The following FAM185A variants were observed in gnomAD, a reference collection of about 807,000 sequenced individuals.
FAM185A encodes the protein protein FAM185A.
In FAM185A, 21 loss-of-function variants were observed where a neutral mutation model predicts 45.7. The observed-to-expected ratio is 0.46, with a 90% CI of 0.33 to 0.66. The LOEUF (loss-of-function observed/expected upper bound fraction) is 0.66. Among genes scored for constraint, FAM185A ranks in the 30% least tolerant of loss-of-function variants. The pLI, the probability that FAM185A is intolerant of heterozygous loss-of-function variation, is 0.03. For synonymous variants in FAM185A, 117 were observed against 194.0 expected (o/e 0.60, Z 3.30); for missense variants, 305 against 485.4 (o/e 0.63, Z 3.49).
the FAM185A span, among the ~76,000 whole-genome samples, chr7:102,835,432 C>T: frequency 7.2e-5 from 11 of 152,158 alleles, no homozygotes; most frequent in Non-Finnish European, 1.6e-4. Context: ...GCCCCTTGTA[C>T]TGCCTGGAAA....
At chr7:102,802,189 G>T (rs1796839278) in intron 7 of FAM185A, among the ~76,000 whole-genome samples, 1 of 152,136 alleles carries the variant, frequency 6.6e-6, no homozygotes, top group Non-Finnish European at 1.5e-5. Flanking sequence ...GGAACAAATG[G>T]ACTTAACAGA....
the FAM185A span, among the ~76,000 whole-genome samples, chr7:102,819,970 A>C: frequency 6.6e-6 from 1 of 152,194 alleles, no homozygotes; most frequent in Non-Finnish European, 1.5e-5. Context: ...CTCTAATAAA[A>C]AAATTTGAGG....
chr7:102,840,341 CT>C, the FAM185A span, among the ~76,000 whole-genome samples: 1 of 152,188 alleles, frequency 6.6e-6, no homozygotes, highest in Non-Finnish European at 1.5e-5. Context: ...TTCTTGTTGC[CT>C]GTGGCATAAC....
chr7:102,831,694 T>A, the FAM185A span, among the ~76,000 whole-genome samples: 1 of 151,920 alleles, frequency 6.6e-6, no homozygotes, highest in Non-Finnish European at 1.5e-5. Flanking sequence ...TAAATCAGAT[T>A]TTTTTTTCCA....
At chr7:102,821,898 T>C in the FAM185A span, 1 of 895,468 alleles carries the variant, frequency 1.1e-6, no homozygotes, top group East Asian at 2.6e-5. Context: ...CTCACAATGT[T>C]AGCTTCAATT....
chr7:102,836,778 A>T, the FAM185A span, among the ~76,000 whole-genome samples: 1 of 151,946 alleles, frequency 6.6e-6, no homozygotes, highest in Admixed American at 6.6e-5. Flanking sequence ...ACTGAATTTC[A>T]CTCACATTTA....
At chr7:102,816,261 G>C in the FAM185A span, 1 of 152,174 alleles carries the variant, frequency 6.6e-6, no homozygotes, top group Non-Finnish European at 1.5e-5. Context: ...GGAGGTTAAG[G>C]CTTCCTCCAC....
chr7:102,822,149 A>G, the FAM185A span: 1 of 1,614,238 alleles, frequency 6.2e-7, no homozygotes, highest in Non-Finnish European at 8.5e-7. Context: ...GAGATATCCA[A>G]AATGTGCAGG....
chr7:102,805,888 T>C (rs1797082359), intron 7 of FAM185A, among the ~76,000 whole-genome samples: 2 of 152,056 alleles, frequency 1.3e-5, no homozygotes, highest in Non-Finnish European at 1.5e-5. Context: ...ATCTAAAAAT[T>C]TGGGATCCGC....
At chr7:102,807,313 C>T (rs1475102986) in intron 7 of FAM185A, among the ~76,000 whole-genome samples, 1 of 152,032 alleles carries the variant, frequency 6.6e-6, no homozygotes, top group Non-Finnish European at 1.5e-5. Flanking sequence ...AGATTTTTAC[C>T]TATGTCAAAA....
chr7:102,822,203 T>C, the FAM185A span: 1 of 1,614,058 alleles, frequency 6.2e-7, no homozygotes, highest in South Asian at 1.1e-5. Context: ...GAGTCAGTAA[T>C]CTGAACACAG....
chr7:102,823,294 A>T, the FAM185A span, among the ~76,000 whole-genome samples: 2 of 152,184 alleles, frequency 1.3e-5, no homozygotes, highest in Non-Finnish European at 2.9e-5. Flanking sequence ...CATGCTACAA[A>T]ACTACAAAAT....
At chr7:102,831,393 G>C in the FAM185A span, among the ~76,000 whole-genome samples, 1 of 103,618 alleles carries the variant, frequency 9.7e-6, no homozygotes, top group Non-Finnish European at 2.0e-5. Context: ...ACAGTGCCCG[G>C]GACACACACA....
the FAM185A span, among the ~76,000 whole-genome samples, chr7:102,846,090 C>T: frequency 2.6e-5 from 4 of 152,092 alleles, no homozygotes; most frequent in African/African-American, 9.7e-5. Context: ...TACAACAGTG[C>T]CTGACATGTA....
At chr7:102,757,791 T>A (rs1272124686) in intron 2 of FAM185A, 63 bp from the exon 3 acceptor site, 2 of 1,218,290 alleles carry the variant, frequency 1.6e-6, no homozygotes, top group African/African-American at 3.1e-5. Context: ...TGAAAATGTT[T>A]CACTAGTATA....
chr7:102,834,096 A>AGGAAG, the FAM185A span, among the ~76,000 whole-genome samples: 5 of 97,098 alleles, frequency 5.1e-5, no homozygotes, highest in East Asian at 3.1e-4. Context: ...AAAAGAAAGA[A>AGGAAG]AGAAAGAAAG....
At chr7:102,831,394 G>GACACACACAC in the FAM185A span, among the ~76,000 whole-genome samples, 128 of 141,648 alleles carry the variant, frequency 9.0e-4, 1 homozygote, top group African/African-American at 2.6e-3. Flanking sequence ...CAGTGCCCGG[G>GACACACACAC]ACACACACAC....
intron 6 of FAM185A, among the ~76,000 whole-genome samples, chr7:102,781,944 G>A (rs1052351455): frequency 1.3e-5 from 2 of 152,144 alleles, no homozygotes; most frequent in African/African-American, 4.8e-5. Flanking sequence ...AATAATCAAT[G>A]CAGAGAAGTC....
the FAM185A span, among the ~76,000 whole-genome samples, chr7:102,829,536 G>T: frequency 6.6e-6 from 1 of 151,984 alleles, no homozygotes; most frequent in African/African-American, 2.4e-5. Flanking sequence ...CCCACTTCAC[G>T]TCGGTCATGA....
Sources: allele counts gnomAD v4.1 joint callset (sites outside exome capture counted in the v4.1 genomes callset), GRCh38; gene constraint gnomAD v4.1.1; transcripts MANE v1.5; gene names NCBI Gene and HGNC (gene_info 2026-07-23, HGNC 2026-07-21).